The following AIG1 variants were observed in gnomAD, a reference collection of about 807,000 sequenced individuals.
AIG1 encodes the protein androgen-induced gene 1 protein.
A neutral mutation model predicts 31.4 loss-of-function variants in AIG1; 23 were observed. That is an observed-to-expected ratio of 0.73 (90% confidence interval 0.53 to 1.04). The LOEUF (loss-of-function observed/expected upper bound fraction) is 1.04. Ranked by LOEUF, AIG1 falls within the 50% of genes least tolerant of loss-of-function variation. The pLI, the probability that AIG1 is intolerant of heterozygous loss-of-function variation, is 0.00. For synonymous variants in AIG1, 100 were observed against 110.5 expected (o/e 0.90, Z 0.60); for missense variants, 274 against 295.0 (o/e 0.93, Z 0.52).
intron 1 of AIG1, among the ~76,000 whole-genome samples, chr6:143,083,315 T>G (rs1414085992): frequency 6.6e-6 from 1 of 152,134 alleles, no homozygotes; most frequent in Non-Finnish European, 1.5e-5. Flanking sequence ...CTGGCTCAAG[T>G]CTTGGGCTAA....
chr6:143,228,948 TGCCTGGCTAA>T (rs1374887892), intron 3 of AIG1, among the ~76,000 whole-genome samples: 1 of 152,234 alleles, frequency 6.6e-6, no homozygotes, highest in Admixed American at 6.5e-5. Flanking sequence ...CTTTGAAGGA[TGCCTGGCTAA>T]GATCTTTTTG....
At chr6:143,242,040 G>A (rs1006429106) in intron 3 of AIG1, among the ~76,000 whole-genome samples, 2 of 152,134 alleles carry the variant, frequency 1.3e-5, no homozygotes, top group Non-Finnish European at 2.9e-5. Context: ...CTCAACCTGT[G>A]TATCCCTAAG....
At position 143,284,083 on chromosome 6, in the gene AIG1, T is replaced by C. The variant is rs372829634; in HGVS notation, c.400-27T>C. The stretch of plus-strand genomic sequence containing the variant: ...ATAGAGAGACAATGATAGCAATCTG[T>C]GTCACCTAGTCTCTGTTATTTTCCA... On this transcript the variant is annotated intron_variant, in intron 3 of 5. Transcript: ENST00000357847. This position sits in a 1 kb window ranked among gnomAD's most constrained non-coding sequence, Gnocchi z 4.4. 53 of 1,524,860 alleles carry C rather than the reference T, an allele frequency of 3.5e-5. No homozygotes were observed. In the African/African-American group the frequency reaches 5.9e-4, roughly 17 times the overall value. The allele number at this position is 1,524,860 out of a possible 1,614,324, so 94.5% of individuals were successfully genotyped here. A position where few individuals can be genotyped will look rare whatever the true frequency, so the allele number is the denominator to read the frequency against.
intron 3 of AIG1, among the ~76,000 whole-genome samples, chr6:143,283,781 C>T (rs190989366): frequency 3.2e-4 from 48 of 152,126 alleles, no homozygotes; most frequent in Non-Finnish European, 6.8e-4. Context: ...AAAAATGGGA[C>T]GTACACCAAA....
intron 3 of AIG1, among the ~76,000 whole-genome samples, chr6:143,277,210 T>C (rs1796997836): frequency 6.6e-6 from 1 of 152,208 alleles, no homozygotes; most frequent in Admixed American, 6.5e-5. Context: ...TAATACCCTT[T>C]TGTTCTATGG....
At chr6:143,173,206 C>T (rs1395531072) in intron 3 of AIG1, among the ~76,000 whole-genome samples, 1 of 152,106 alleles carries the variant, frequency 6.6e-6, no homozygotes, top group African/African-American at 2.4e-5. Context: ...CAGGCGTGCA[C>T]CACCACACCT....
intron 3 of AIG1, among the ~76,000 whole-genome samples, chr6:143,243,332 T>C (rs1794387274): frequency 6.6e-6 from 1 of 152,176 alleles, no homozygotes; most frequent in African/African-American, 2.4e-5. Flanking sequence ...CTAGAATGCA[T>C]CATCAGGAGT....
Position 143,181,156 on chromosome 6 carries a change from T to C in AIG1, c.399+15973T>C, listed in dbSNP as rs1260045490. On this transcript the variant is annotated intron_variant, in intron 3 of 5. Coordinates refer to ENST00000357847, the MANE Select transcript of AIG1 (RefSeq NM_016108.4). Reference sequence around the variant, plus strand: ...TTGGTTGAAAGAAGAATATCTTAAATATTTCATATGAAAAAAAACTGGCCT... The same window carrying C: ...TTGGTTGAAAGAAGAATATCTTAAACATTTCATATGAAAAAAAACTGGCCT... Among the ~76,000 whole-genome samples, 4 of 152,334 alleles carry C rather than the reference T, an allele frequency of 2.6e-5. No individual in the cohort carries two copies. The East Asian group carries it at 7.7e-4, about 29-fold the overall frequency.
chr6:143,059,850 G>A (rs1410124694), upstream of AIG1, among the ~76,000 whole-genome samples: 5 of 152,214 alleles, frequency 3.3e-5, no homozygotes, highest in African/African-American at 1.2e-4. Context: ...CTGGTTGGCT[G>A]AAATGAAAAT....
intron 3 of AIG1, among the ~76,000 whole-genome samples, chr6:143,192,497 C>T (rs1441660773): frequency 3.3e-5 from 5 of 151,620 alleles, no homozygotes; most frequent in East Asian, 3.9e-4. Context: ...CCCAGCTTCT[C>T]GGGAGGCTGA....
At chr6:143,261,851 T>C (rs1429376325) in intron 3 of AIG1, among the ~76,000 whole-genome samples, 1 of 152,248 alleles carries the variant, frequency 6.6e-6, no homozygotes, top group Non-Finnish European at 1.5e-5. Context: ...TTAGGGAACG[T>C]CTTGATGTCT....
chr6:143,336,924 G>GA (rs368457073), intron 5 of AIG1, among the ~76,000 whole-genome samples: 25 of 151,092 alleles, frequency 1.7e-4, no homozygotes, highest in Non-Finnish European at 2.5e-4. Context: ...GTTGCAGGGG[G>GA]AAAAAAAAAG....
chr6:143,342,825 A>T (rs1777883112), downstream of AIG1: 1 of 802,646 alleles, frequency 1.2e-6, no homozygotes, highest in African/African-American at 1.7e-5. Flanking sequence ...CAGTGATCTG[A>T]TATTTCAAAT....
chr6:143,258,229 T>C lies in AIG1; in HGVS notation c.400-25881T>C, dbSNP rs1795499423. Among the ~76,000 whole-genome samples the C allele has an allele frequency of 6.6e-6, 1 of 152,220 alleles. No individual in the cohort carries two copies. ...ACCTGTAAAATGAAGACAAAAGCCTTCCACCCTGTCTCATCTGTCACTAAA... is the reference window on the plus strand; with the variant it reads ...ACCTGTAAAATGAAGACAAAAGCCTCCCACCCTGTCTCATCTGTCACTAAA... On this transcript the variant is annotated intron_variant, in intron 3 of 5. Transcript: ENST00000357847. This position sits in a 1 kb window ranked among gnomAD's most constrained non-coding sequence, Gnocchi z 4.7.
intron 4 of AIG1, among the ~76,000 whole-genome samples, chr6:143,302,175 A>G (rs1418558594): frequency 2.6e-5 from 4 of 151,430 alleles, no homozygotes; most frequent in African/African-American, 9.7e-5. Context: ...AGAGAAACTA[A>G]CACTTTTATT....
intron 4 of AIG1, among the ~76,000 whole-genome samples, chr6:143,289,158 A>G (rs935893096): frequency 5.9e-5 from 9 of 152,160 alleles, no homozygotes; most frequent in African/African-American, 2.2e-4. Flanking sequence ...GGCTGTATTA[A>G]TGGAGACTCT....
intron 1 of AIG1, among the ~76,000 whole-genome samples, chr6:143,073,738 A>G (rs1037013827): frequency 6.6e-6 from 1 of 152,224 alleles, no homozygotes; most frequent in African/African-American, 2.4e-5. Context: ...GTTTACAGTC[A>G]TGGCAGAAAG....
intron 1 of AIG1, among the ~76,000 whole-genome samples, chr6:143,068,434 G>A (rs1776926607): frequency 6.6e-6 from 1 of 152,226 alleles, no homozygotes; most frequent in Non-Finnish European, 1.5e-5. Flanking sequence ...TCTGAGTGCG[G>A]TGGAAGCAGA....
At chr6:143,320,334 A>G (rs1050291528) in intron 4 of AIG1, among the ~76,000 whole-genome samples, 1 of 152,204 alleles carries the variant, frequency 6.6e-6, no homozygotes, top group Non-Finnish European at 1.5e-5. Flanking sequence ...AAACAGAACT[A>G]CCATATGATC....
Sources: allele counts gnomAD v4.1 joint callset (sites outside exome capture counted in the v4.1 genomes callset), GRCh38; gene constraint gnomAD v4.1.1; non-coding constraint Gnocchi (gnomAD v3.1); transcripts MANE v1.5; gene names NCBI Gene and HGNC (gene_info 2026-07-23, HGNC 2026-07-21).